Variants in PTCSC3 observed in about 807,000 individuals in gnomAD.
The protein encoded by PTCSC3 is papillary thyroid carcinoma susceptibility candidate 3 (non-protein coding).
chr14:36,152,701 A>G (rs1169130), intron 3 of PTCSC3, among the ~76,000 whole-genome samples: 1 of 151,700 alleles, frequency 6.6e-6, no homozygotes, highest in Non-Finnish European at 1.5e-5. Flanking sequence ...TGAGACCAGC[A>G]TGGCCAACAA....
At chr14:36,149,361 A>G (rs573572152) in intron 3 of PTCSC3, among the ~76,000 whole-genome samples, 10 of 152,238 alleles carry the variant, frequency 6.6e-5, no homozygotes, top group South Asian at 2.1e-4. Flanking sequence ...TATGATTTCT[A>G]TTCTTTAAAT....
intron 1 of PTCSC3, among the ~76,000 whole-genome samples, chr14:36,169,581 A>C (rs1882156596): frequency 6.6e-6 from 1 of 152,144 alleles, no homozygotes; most frequent in African/African-American, 2.4e-5. Context: ...TTAAATGGGA[A>C]GTAGGGATGT....
intron 2 of PTCSC3, chr14:36,153,947 C>T (rs1881775536): frequency 6.6e-6 from 1 of 151,838 alleles, no homozygotes; most frequent in East Asian, 1.9e-4. Context: ...TGCCTGTGAT[C>T]CCAGCTACTT....
At chr14:36,164,583 A>G in intron 1 of PTCSC3, among the ~76,000 whole-genome samples, 2 of 90,880 alleles carry the variant, frequency 2.2e-5, no homozygotes, top group East Asian at 5.3e-4. Flanking sequence ...TAAAGTTAGA[A>G]CTATTTTTTA....
intron 3 of PTCSC3, among the ~76,000 whole-genome samples, chr14:36,146,460 T>C (rs1881570331): frequency 6.6e-6 from 1 of 151,530 alleles, no homozygotes; most frequent in Admixed American, 6.6e-5. Flanking sequence ...TTAAAGTCTG[T>C]TTTATCAGAG....
At chr14:36,164,019 G>A (rs1882033249) in intron 1 of PTCSC3, 1 of 152,138 alleles carries the variant, frequency 6.6e-6, no homozygotes, top group Admixed American at 6.5e-5. Context: ...TGAAATAATT[G>A]TAATCAGGAC....
intron 3 of PTCSC3, among the ~76,000 whole-genome samples, chr14:36,141,066 CTT>C (rs1160342087): frequency 6.6e-6 from 1 of 152,078 alleles, no homozygotes; most frequent in Non-Finnish European, 1.5e-5. Flanking sequence ...TTTCTGGACT[CTT>C]TATTTTGTTC....
intron 3 of PTCSC3, among the ~76,000 whole-genome samples, chr14:36,148,208 G>T (rs1020166525): frequency 7.9e-5 from 12 of 152,172 alleles, no homozygotes; most frequent in African/African-American, 2.7e-4. Flanking sequence ...GAGCTTCCCG[G>T]CTGCTTTGTT....
At chr14:36,164,312 T>G (rs1882039758) in intron 1 of PTCSC3, 1 of 152,010 alleles carries the variant, frequency 6.6e-6, no homozygotes, top group South Asian at 2.1e-4. Flanking sequence ...AAAATTAGAG[T>G]TTTTACTTAG....
At chr14:36,157,033 G>A (rs1048294007) in intron 2 of PTCSC3, among the ~76,000 whole-genome samples, 2 of 152,160 alleles carry the variant, frequency 1.3e-5, no homozygotes, top group Non-Finnish European at 2.9e-5. Flanking sequence ...CCCACCAACA[G>A]TGTAAAAGCT....
At position 36,153,505 on chromosome 14, in the gene PTCSC3, T is replaced by C. The variant is rs148600764; in HGVS notation, n.322+299A>G. Among the ~76,000 whole-genome samples the C allele has an allele frequency of 1.7e-3, 263 of 152,294 alleles. 1 individual carries two copies. The highest frequency in any genetic ancestry group is 6.0e-3 in the African/African-American group (250 of 41,566). On this transcript the variant is annotated intron_variant and non_coding_transcript_variant, in intron 3 of 3. Coordinates refer to ENST00000556013, the Ensembl canonical transcript of PTCSC3. ...CCACAGTGTTAAGCAATGGAAACTC[T>C]CACTTACTACTAATAGGAGATTATT...
chr14:36,174,564 T>A (rs1882248894), intron 1 of PTCSC3, among the ~76,000 whole-genome samples: 1 of 152,020 alleles, frequency 6.6e-6, no homozygotes, highest in Admixed American at 6.5e-5. Flanking sequence ...GTAGTCTTCC[T>A]CTAAAAATGG....
intron 3 of PTCSC3, among the ~76,000 whole-genome samples, chr14:36,147,342 C>A (rs995432210): frequency 3.3e-5 from 5 of 152,304 alleles, no homozygotes. Context: ...TCCCATATTT[C>A]TTGGAGGCTT....
intron 3 of PTCSC3, among the ~76,000 whole-genome samples, chr14:36,148,806 G>T (rs920513088): frequency 1.3e-5 from 2 of 151,998 alleles, no homozygotes; most frequent in Non-Finnish European, 2.9e-5. Flanking sequence ...TCACGTTGTG[G>T]GCATAGAGTT....
At chr14:36,145,481 G>A (rs982579416) in intron 3 of PTCSC3, among the ~76,000 whole-genome samples, 11 of 150,002 alleles carry the variant, frequency 7.3e-5, no homozygotes, top group African/African-American at 2.5e-4. Context: ...ATGGTAGTTC[G>A]TATTTCTGTG....
chr14:36,172,477 C>G (rs1882209057), intron 1 of PTCSC3, among the ~76,000 whole-genome samples: 2 of 151,894 alleles, frequency 1.3e-5, no homozygotes, highest in African/African-American at 4.8e-5. Context: ...ATGTAAATAA[C>G]TCTAACTACC....
chr14:36,152,695 A>G (rs1881748646), intron 3 of PTCSC3, among the ~76,000 whole-genome samples: 1 of 152,170 alleles, frequency 6.6e-6, no homozygotes, highest in Non-Finnish European at 1.5e-5. Context: ...GGAGTTTGAG[A>G]CCAGCATGGC....
intron 3 of PTCSC3, among the ~76,000 whole-genome samples, chr14:36,140,966 G>A (rs888425775): frequency 6.6e-6 from 1 of 152,122 alleles, no homozygotes; most frequent in Admixed American, 6.5e-5. Flanking sequence ...TCCAGTTTTT[G>A]TAGTACCATT....
intron 1 of PTCSC3, among the ~76,000 whole-genome samples, chr14:36,163,003 A>G (rs895198103): frequency 2.0e-5 from 3 of 152,122 alleles, no homozygotes; most frequent in Admixed American, 6.5e-5. Flanking sequence ...CTATCTTTAC[A>G]TAATAGCTGC....
Sources: allele counts gnomAD v4.1 joint callset (sites outside exome capture counted in the v4.1 genomes callset), GRCh38; gene constraint gnomAD v4.1.1; transcripts MANE v1.5; gene names NCBI Gene and HGNC (gene_info 2026-07-23, HGNC 2026-07-21).